The following MATCAP2 variants were observed in gnomAD, a reference collection of about 807,000 sequenced individuals.
The protein encoded by MATCAP2 is putative tyrosine carboxypeptidase MATCAP2.
the MATCAP2 span, chr7:36,366,864 G>C: frequency 6.7e-7 from 1 of 1,497,080 alleles, no homozygotes; most frequent in Non-Finnish European, 8.8e-7. Flanking sequence ...CGGGCGGCGG[G>C]ACCCCGGTCC....
At chr7:36,338,026 A>T in the MATCAP2 span, among the ~76,000 whole-genome samples, 2 of 152,086 alleles carry the variant, frequency 1.3e-5, no homozygotes, top group Admixed American at 1.3e-4. Flanking sequence ...ATAAAATCTC[A>T]TAAGATGGGT....
At chr7:36,389,383 G>A in the MATCAP2 span, among the ~76,000 whole-genome samples, 3 of 150,852 alleles carry the variant, frequency 2.0e-5, no homozygotes, top group Admixed American at 6.6e-5. Context: ...TCTTTTTTGA[G>A]GCAGGGTCTC....
chr7:36,364,773 C>T, the MATCAP2 span, among the ~76,000 whole-genome samples: 1 of 152,112 alleles, frequency 6.6e-6, no homozygotes, highest in Non-Finnish European at 1.5e-5. Context: ...CTGGGTTTTT[C>T]TGATATCGCA....
chr7:36,333,178 A>G, the MATCAP2 span, among the ~76,000 whole-genome samples: 7 of 152,354 alleles, frequency 4.6e-5, no homozygotes, highest in South Asian at 1.2e-3. Context: ...ACTGCCTCAC[A>G]GCAATAAAAT....
chr7:36,383,652 A>C, the MATCAP2 span, among the ~76,000 whole-genome samples: 1 of 152,110 alleles, frequency 6.6e-6, no homozygotes, highest in African/African-American at 2.4e-5. Flanking sequence ...ATCACACACC[A>C]GGGTCTGTAG....
chr7:36,324,570 A>G, the MATCAP2 span: 2 of 152,204 alleles, frequency 1.3e-5, no homozygotes, highest in African/African-American at 4.8e-5. Context: ...TCTGTTTATT[A>G]AAACTTTTTA....
the MATCAP2 span, chr7:36,357,412 C>A: frequency 1.9e-6 from 3 of 1,614,094 alleles, no homozygotes; most frequent in Non-Finnish European, 2.5e-6. Flanking sequence ...GTGAATGATA[C>A]TTTTTTTCCT....
the MATCAP2 span, among the ~76,000 whole-genome samples, chr7:36,339,534 A>C: frequency 6.6e-6 from 1 of 152,234 alleles, no homozygotes; most frequent in Non-Finnish European, 1.5e-5. Context: ...GTAAAATGTG[A>C]GAGGGATTTC....
the MATCAP2 span, among the ~76,000 whole-genome samples, chr7:36,353,169 G>A: frequency 1.3e-5 from 2 of 152,064 alleles, no homozygotes; most frequent in Non-Finnish European, 2.9e-5. Context: ...CAGCTACTGG[G>A]GCTGGGGGCT....
chr7:36,383,873 T>G, the MATCAP2 span: 138 of 1,603,862 alleles, frequency 8.6e-5, no homozygotes, highest in Non-Finnish European at 1.2e-4. Flanking sequence ...GGTAGAGAAC[T>G]TGAGTTTAGC....
the MATCAP2 span, chr7:36,368,050 T>C: frequency 7.7e-6 from 1 of 130,384 alleles, no homozygotes; most frequent in African/African-American, 2.7e-5. Flanking sequence ...GGTGACAAAG[T>C]GAGACTAAAA....
the MATCAP2 span, chr7:36,390,185 C>T: frequency 6.9e-7 from 1 of 1,440,744 alleles, no homozygotes; most frequent in Non-Finnish European, 9.5e-7. Context: ...GGGCCGGGGT[C>T]GCCGCGGCTG....
the MATCAP2 span, among the ~76,000 whole-genome samples, chr7:36,327,996 A>C: frequency 6.6e-6 from 1 of 152,250 alleles, no homozygotes. Flanking sequence ...CTCCTATTTA[A>C]GAAGCTAGTC....
At chr7:36,364,110 CAG>C in the MATCAP2 span, among the ~76,000 whole-genome samples, 4 of 129,248 alleles carry the variant, frequency 3.1e-5, no homozygotes, top group African/African-American at 1.2e-4. Flanking sequence ...TTTTTTGTGA[CAG>C]GGTCTCACTC....
At chr7:36,331,460 G>A in the MATCAP2 span, among the ~76,000 whole-genome samples, 4,447 of 152,230 alleles carry the variant, frequency 0.029, 87 homozygotes, top group African/African-American at 0.035. Context: ...TGAGTGGGGA[G>A]GCCTGAGCAG....
At chr7:36,336,676 G>A in the MATCAP2 span, among the ~76,000 whole-genome samples, 309 of 151,792 alleles carry the variant, frequency 2.0e-3, no homozygotes, top group South Asian at 0.024. Context: ...ATGTCTCCAC[G>A]CAAGTAAATA....
the MATCAP2 span, chr7:36,366,904 C>T: frequency 1.0e-5 from 15 of 1,462,268 alleles, no homozygotes; most frequent in South Asian, 6.9e-5. Flanking sequence ...GCCAGCCCTT[C>T]CCGGCACTCA....
chr7:36,351,780 G>A, the MATCAP2 span, among the ~76,000 whole-genome samples: 1 of 150,430 alleles, frequency 6.6e-6, no homozygotes, highest in Non-Finnish European at 1.5e-5. Context: ...AATCCTGTTT[G>A]TACAAAAAAT....
At chr7:36,346,685 T>C in the MATCAP2 span, among the ~76,000 whole-genome samples, 1 of 152,208 alleles carries the variant, frequency 6.6e-6, no homozygotes, top group Non-Finnish European at 1.5e-5. Context: ...GGTGACGAAA[T>C]GTTCTAGAAT....
Sources: allele counts gnomAD v4.1 joint callset (sites outside exome capture counted in the v4.1 genomes callset), GRCh38; gene constraint gnomAD v4.1.1; transcripts MANE v1.5; gene names NCBI Gene and HGNC (gene_info 2026-07-23, HGNC 2026-07-21).